The following CFAP20DC variants were observed in gnomAD, a reference collection of about 807,000 sequenced individuals.
CFAP20DC encodes the protein protein CFAP20DC.
Under a neutral mutation model 101.7 loss-of-function variants are expected in CFAP20DC, and 84 were observed. That is an observed-to-expected ratio of 0.83 (90% CI 0.69 to 0.99). The LOEUF is 0.99. Among genes scored for constraint, CFAP20DC ranks in the 50% least tolerant of loss-of-function variants. CFAP20DC has a pLI of 0.00. For missense variants in CFAP20DC, 1,007 were observed against 970.3 expected, an observed-to-expected ratio of 1.04 and a Z score of -0.50; for synonymous variants, 359 against 351.2, an observed-to-expected ratio of 1.02 and a Z score of -0.25.
chr3:59,041,988 T>A (rs1699431930), intron 3 of CFAP20DC, among the ~76,000 whole-genome samples: 1 of 152,146 alleles, frequency 6.6e-6, no homozygotes, highest in Non-Finnish European at 1.5e-5. Flanking sequence ...CTCTGACCTT[T>A]TAGAATTTAT....
intron 4 of CFAP20DC, among the ~76,000 whole-genome samples, chr3:59,037,595 C>T (rs2094127321): frequency 6.6e-6 from 1 of 152,108 alleles, no homozygotes; most frequent in African/African-American, 2.4e-5. Flanking sequence ...CATCTCATGC[C>T]AGTTAGAATG....
chr3:59,038,798 G>A (rs569334608), intron 4 of CFAP20DC, among the ~76,000 whole-genome samples: 19 of 152,032 alleles, frequency 1.2e-4, no homozygotes, highest in African/African-American at 4.4e-4. Context: ...CTTAGTAAAA[G>A]CAGTATAGAA....
chr3:58,744,168 T>C (rs755399252), intron 16 of CFAP20DC, among the ~76,000 whole-genome samples: 10 of 152,166 alleles, frequency 6.6e-5, no homozygotes, highest in Admixed American at 1.3e-4. Context: ...CATGTAGTAG[T>C]TCATTTGGCC....
intron 4 of CFAP20DC, among the ~76,000 whole-genome samples, chr3:58,966,253 C>T (rs981216611): frequency 6.6e-6 from 1 of 152,112 alleles, no homozygotes; most frequent in Non-Finnish European, 1.5e-5. Flanking sequence ...GGGAATGGCC[C>T]TTGTTTTCTA....
chr3:58,733,169 T>A (rs2067678613), intron 3 of CFAP20DC, among the ~76,000 whole-genome samples: 1 of 152,026 alleles, frequency 6.6e-6, no homozygotes, highest in Non-Finnish European at 1.5e-5. Context: ...CCGTGTCAAC[T>A]AAAAATACAA....
rs1302867335 is a variant in CFAP20DC, at chr3:58,849,345, G to A, written c.1658C>T (p.Thr553Ile). ...AGCCTTCCCCAGCAGGCTCTCTAAT[G>A]TTAACTGAGTTAACTCTGAAGGACC... Reference protein sequence around the residue: ...TTGPSELTQLTLESLLGKAAK... With the variant: ...TTGPSELTQLILESLLGKAAK... Residue 553 changes from threonine (T) to isoleucine (I), a missense_variant, in exon 13 of 17, where the codon ACA (threonine) becomes ATA (isoleucine). Thr to Ile is a moderately conservative substitution (Grantham distance 89, BLOSUM62 -1). Transcript: ENST00000482387. 1.3e-6 allele frequency: 2 copies of A among 1,535,838 alleles called. No individual in the cohort carries two copies. The highest frequency in any genetic ancestry group is 1.4e-5 in the African/African-American group (1 of 73,008).
At chr3:58,932,185 G>C (rs1485982352) in intron 5 of CFAP20DC, among the ~76,000 whole-genome samples, 5 of 152,140 alleles carry the variant, frequency 3.3e-5, no homozygotes, top group African/African-American at 1.2e-4. Flanking sequence ...GATGGAAGAT[G>C]AAATGAATGA....
intron 3 of CFAP20DC, among the ~76,000 whole-genome samples, chr3:58,731,974 C>T (rs181342098): frequency 6.6e-6 from 1 of 152,288 alleles, no homozygotes; most frequent in East Asian, 1.9e-4. Context: ...CCTGTTTGTG[C>T]CTCAGTTTCT....
chr3:58,811,402 A>G lies in CFAP20DC; in HGVS notation c.2176-4946T>C, dbSNP rs551570998. ...ACAGAGCCCTCAGAAATAACGCCGCATATCTACAACTATCTGATCTTTGAC... is the reference window on the plus strand; with the variant it reads ...ACAGAGCCCTCAGAAATAACGCCGCGTATCTACAACTATCTGATCTTTGAC... On this transcript the variant is annotated intron_variant, in intron 14 of 16. Transcript: ENST00000482387. 5.9e-5 allele frequency among the ~76,000 whole-genome samples: 9 copies of G among 152,178 alleles called. No homozygotes were observed. The East Asian group carries it at 9.7e-4, about 16-fold the overall frequency.
intron 4 of CFAP20DC, among the ~76,000 whole-genome samples, chr3:59,039,076 T>C (rs2094152264): frequency 6.6e-6 from 1 of 152,152 alleles, no homozygotes; most frequent in Admixed American, 6.5e-5. Context: ...ATTTTCATTT[T>C]TGCTAAACAA....
rs1484058723 is a variant in CFAP20DC at position 58,867,888 on chromosome 3, G to T, written c.1064C>A (p.Ala355Glu). The part of the protein sequence containing the change: ...MHPHPPQEPS[A>E]DKNNNRRRLR... Reference sequence around the variant, plus strand: ...TCTTCTTCTGTTATTATTCTTATCTGCTGATGGTTCTTGAGGGGGATGCGG... The same window carrying T: ...TCTTCTTCTGTTATTATTCTTATCTTCTGATGGTTCTTGAGGGGGATGCGG... Residue 355 changes from alanine (A) to glutamate (E), a missense_variant, in exon 10 of 17, where the codon GCA (alanine) becomes GAA (glutamate). Ala to Glu is a moderately radical substitution (Grantham distance 107). Coordinates refer to ENST00000482387, the MANE Select transcript of CFAP20DC (RefSeq NM_001394063.1). 2 of 1,613,264 alleles carry T rather than the reference G, an allele frequency of 1.2e-6. No individual in the cohort carries two copies. The highest frequency in any genetic ancestry group is 1.7e-6 in the Non-Finnish European group (2 of 1,179,582).
At chr3:58,810,875 TGTACAA>T (rs1183836695) in intron 14 of CFAP20DC, among the ~76,000 whole-genome samples, 1 of 151,750 alleles carries the variant, frequency 6.6e-6, no homozygotes, top group East Asian at 1.9e-4. Flanking sequence ...ACAAAATCAA[TGTACAA>T]AAATCACAAG....
rs2108750554 is a variant in CFAP20DC at position 59,001,078 on chromosome 3, A to T, written c.278+38479T>A. On this transcript the variant is annotated intron_variant, in intron 4 of 16. Coordinates refer to ENST00000482387, the MANE Select transcript of CFAP20DC (RefSeq NM_001394063.1). The surrounding 1 kb of genome is among the most constrained non-coding windows in gnomAD (Gnocchi z 4.5). ...GTTACTAAAATAGGGTGCATATTGG[A>T]ATTACAGCAGTAAGAGTTAGTAAAG... 6.6e-6 allele frequency among the ~76,000 whole-genome samples: 1 copy of T among 152,326 alleles called. No homozygotes were observed. Among genetic ancestry groups the T allele is most frequent in the East Asian group, 1.9e-4 (1 of 5,184 alleles).
chr3:58,982,063 T>G (rs1488094167), intron 4 of CFAP20DC, among the ~76,000 whole-genome samples: 1 of 152,132 alleles, frequency 6.6e-6, no homozygotes, highest in Non-Finnish European at 1.5e-5. Flanking sequence ...GAACAGACAC[T>G]TCTCAAAAGA....
chr3:58,948,511 T>C (rs187486133), intron 4 of CFAP20DC, among the ~76,000 whole-genome samples: 2 of 152,344 alleles, frequency 1.3e-5, no homozygotes, highest in African/African-American at 4.8e-5. Flanking sequence ...ATCTTTTCCT[T>C]TGTTTTCACA....
chr3:58,998,800 G>T (rs2093218583), intron 4 of CFAP20DC, among the ~76,000 whole-genome samples: 1 of 152,166 alleles, frequency 6.6e-6, no homozygotes. Context: ...GAACAAAGAT[G>T]CAGTCTACCT....
At chr3:58,828,817 A>T (rs1352038672) in intron 14 of CFAP20DC, among the ~76,000 whole-genome samples, 1 of 152,144 alleles carries the variant, frequency 6.6e-6, no homozygotes, top group Non-Finnish European at 1.5e-5. Flanking sequence ...TGAAAAAAAA[A>T]AGTGCATAAT....
In CFAP20DC at chr3:58,885,052, T is replaced by G. The variant is rs146179941; in HGVS notation, c.551-343A>C. Reference sequence around the variant, plus strand: ...CTAGTTAGGTATGTGCCATTTAAGATTTCTGGGAGTACATCAGCTTATTTA... The same window carrying G: ...CTAGTTAGGTATGTGCCATTTAAGAGTTCTGGGAGTACATCAGCTTATTTA... On this transcript the variant is annotated intron_variant, in intron 6 of 16. Coordinates refer to ENST00000482387, the MANE Select transcript of CFAP20DC (RefSeq NM_001394063.1). Among the ~76,000 whole-genome samples, 370 of 152,302 alleles carry G rather than the reference T, an allele frequency of 2.4e-3. 1 individual carries two copies. The highest frequency in any genetic ancestry group is 4.1e-3 in the South Asian group (20 of 4,828).
At chr3:58,878,821 G>C (rs1376179599) in intron 7 of CFAP20DC, among the ~76,000 whole-genome samples, 4 of 151,984 alleles carry the variant, frequency 2.6e-5, no homozygotes, top group African/African-American at 9.7e-5. Flanking sequence ...ACCATCCTGT[G>C]AATGGTGAAA....
Sources: allele counts gnomAD v4.1 joint callset (sites outside exome capture counted in the v4.1 genomes callset), GRCh38; gene constraint gnomAD v4.1.1; non-coding constraint Gnocchi (gnomAD v3.1); transcripts MANE v1.5; gene names NCBI Gene and HGNC (gene_info 2026-07-23, HGNC 2026-07-21).